Variants in CROCC2 observed in about 807,000 individuals in gnomAD.
CROCC2 encodes ciliary rootlet coiled-coil, rootletin family member 2, also known as ciliary rootlet coiled-coil protein 2.
CROCC2 carries 163 observed loss-of-function variants against 177.6 expected under a neutral mutation model. The observed-to-expected ratio is 0.92, with a 90% confidence interval of 0.81 to 1.05. The LOEUF (loss-of-function observed/expected upper bound fraction) is 1.05. Among genes scored for constraint, CROCC2 ranks in the 50% least tolerant of loss-of-function variants. The pLI is 0.00. For synonymous variants in CROCC2, 904 were observed against 787.3 expected, an observed-to-expected ratio of 1.15 and a Z score of -2.48; for missense variants, 1,929 against 1,797.8, an observed-to-expected ratio of 1.07 and a Z score of -1.32.
chr2:240,982,873 C>T lies in CROCC2; in HGVS notation c.4402-7C>T. 1 of 1,545,306 alleles carries T rather than the reference C, an allele frequency of 6.5e-7. No individual in the cohort carries two copies. On this transcript the variant is annotated splice_region_variant and splice_polypyrimidine_tract_variant and intron_variant, in intron 27 of 31. Coordinates refer to ENST00000690015, the MANE Select transcript of CROCC2 (RefSeq NM_001351305.2). This position sits in a 1 kb window ranked among gnomAD's most constrained non-coding sequence, Gnocchi z 4.7. ...TCCAGGTGGACCCTGTGTCTCCTTCCCCCCAGGAGCAACTGGAAACGCTGC... is the reference window on the plus strand; with the variant it reads ...TCCAGGTGGACCCTGTGTCTCCTTCTCCCCAGGAGCAACTGGAAACGCTGC...
At chr2:240,936,495 T>C (rs2059471559) in intron 14 of CROCC2, among the ~76,000 whole-genome samples, 1 of 152,226 alleles carries the variant, frequency 6.6e-6, no homozygotes. Context: ...TGGAGATCCA[T>C]ACATGTTGTT....
chr2:240,949,488 G>A lies in CROCC2; in HGVS notation c.2483-45G>A. ...CCTAGGAAGTCCCAAAGGGTTCAGG[G>A]GTCCACATGCCAGGCCCTGGTGCAT... On this transcript the variant is annotated intron_variant, in intron 16 of 31. Coordinates refer to ENST00000690015, the MANE Select transcript of CROCC2 (RefSeq NM_001351305.2). The surrounding 1 kb of genome is among the most constrained non-coding windows in gnomAD (Gnocchi z 4.5). The A allele has an allele frequency of 6.5e-7, 1 of 1,542,312 alleles. No homozygotes were observed. Among genetic ancestry groups the A allele is most frequent in the Non-Finnish European group, 8.8e-7 (1 of 1,140,596 alleles).
chr2:240,993,171 A>G lies in CROCC2; in HGVS notation c.*90A>G, dbSNP rs532711276. 7.2e-6 allele frequency: 5 copies of G among 696,112 alleles called. No individual in the cohort carries two copies. In the East Asian group the frequency reaches 1.1e-4, roughly 15 times the overall value. 43.1% of individuals were successfully genotyped at this position (696,112 alleles called of 1,614,324 possible). A position where few individuals can be genotyped will look rare whatever the true frequency, so the allele number is the denominator to read the frequency against. On this transcript the variant is annotated 3_prime_UTR_variant, in exon 32 of 32. Coordinates refer to ENST00000690015, the MANE Select transcript of CROCC2 (RefSeq NM_001351305.2). ...GGGGCCCAGCTGATTTCTCAGCGTC[A>G]CAGTGAAAGGCACCCGTGATGAGAC...
chr2:240,919,861 G>A, intron 2 of CROCC2, 122 bp from the exon 3 acceptor site: 1 of 580,298 alleles, frequency 1.7e-6, no homozygotes, highest in South Asian at 2.0e-5. Flanking sequence ...CCAGGAGATG[G>A]GGGCAGGTCC....
intron 14 of CROCC2, among the ~76,000 whole-genome samples, chr2:240,941,883 A>G (rs567433872): frequency 1.3e-5 from 2 of 152,360 alleles, no homozygotes; most frequent in South Asian, 4.1e-4. Context: ...TTCCACCCTC[A>G]TCAGCGAGAT....
intron 27 of CROCC2, chr2:240,981,881 C>G (rs185209705): frequency 1.3e-5 from 2 of 152,134 alleles, no homozygotes; most frequent in African/African-American, 4.8e-5. Flanking sequence ...AGTCAACAAG[C>G]TTCCAATGAC....
At chr2:240,962,823 C>G (rs530542251) in intron 20 of CROCC2, among the ~76,000 whole-genome samples, 26 of 152,306 alleles carry the variant, frequency 1.7e-4, no homozygotes, top group Admixed American at 1.6e-3. Flanking sequence ...GTCCCCACCC[C>G]CAGAGCGTAG....
intron 20 of CROCC2, among the ~76,000 whole-genome samples, chr2:240,961,566 CACACTCAT>C (rs957544334): frequency 2.9e-5 from 4 of 138,008 alleles, no homozygotes; most frequent in African/African-American, 1.1e-4. Context: ...ATCACACTCA[CACACTCAT>C]CACACATACA....
rs1474282971 is a variant in CROCC2 at position 240,960,659 on chromosome 2, C to T, written c.3087+1215C>T. Among the ~76,000 whole-genome samples, 1 of 152,106 alleles carries T rather than the reference C, an allele frequency of 6.6e-6. No individual in the cohort carries two copies. The highest frequency in any genetic ancestry group is 1.9e-4 in the East Asian group (1 of 5,176). On this transcript the variant is annotated intron_variant, in intron 20 of 31. Transcript: ENST00000690015. This position sits in a 1 kb window ranked among gnomAD's most constrained non-coding sequence, Gnocchi z 5.0. ...CAAGGCTGGAGGCTGCGCAGCTGAC[C>T]TGGTGCTGGAGCGAGCGGCTGGCGC...
At chr2:240,914,629 C>T (rs751334050) in intron 1 of CROCC2, among the ~76,000 whole-genome samples, 43 of 152,196 alleles carry the variant, frequency 2.8e-4, no homozygotes, top group Non-Finnish European at 5.6e-4. Flanking sequence ...TCAGGAGGTT[C>T]GCCCTCCACC....
rs2059442977 is a variant in CROCC2, at chr2:240,932,836, C to T, written c.1179C>T (p.Cys393=). The T allele has an allele frequency of 6.5e-7, 1 of 1,544,444 alleles. No homozygotes were observed. The highest frequency in any genetic ancestry group is 8.7e-7 in the Non-Finnish European group (1 of 1,143,920). Residue 393 remains cysteine, a synonymous_variant, in exon 9 of 32, where the codon TGC becomes TGT. Coordinates refer to ENST00000690015, the MANE Select transcript of CROCC2 (RefSeq NM_001351305.2). ...PHQGASPPHI[C]SPATLDPALQ... is the part of the protein sequence containing the mutation. ...AAGGGGCGTCCCCACCACACATCTG[C>T]TCCCCAGCCACCCTGGACCCCGCAC...
intron 5 of CROCC2, among the ~76,000 whole-genome samples, chr2:240,929,892 C>T (rs2059416502): frequency 6.6e-6 from 1 of 152,164 alleles, no homozygotes; most frequent in Non-Finnish European, 1.5e-5. Flanking sequence ...CAGGGGCCCA[C>T]GCACCCCACC....
At chr2:240,934,289 C>G in intron 11 of CROCC2, 42 bp from the exon 12 acceptor site, 1 of 1,540,662 alleles carries the variant, frequency 6.5e-7, no homozygotes, top group East Asian at 2.4e-5. Flanking sequence ...GCAGCCACTG[C>G]TCACCCTGAG....
chr2:240,968,632 G>A (rs2059701310), intron 27 of CROCC2, among the ~76,000 whole-genome samples: 2 of 152,232 alleles, frequency 1.3e-5, no homozygotes, highest in African/African-American at 4.8e-5. Flanking sequence ...GGCAGGCATG[G>A]GGCGGCCCTG....
rs1478737109 is a variant in CROCC2, at chr2:240,923,040, C to A, written c.488+395C>A. Among the ~76,000 whole-genome samples, 9 of 152,174 alleles carry A rather than the reference C, an allele frequency of 5.9e-5. No individual in the cohort carries two copies. In the South Asian group the frequency reaches 1.2e-3, roughly 21 times the overall value. On this transcript the variant is annotated intron_variant, in intron 4 of 31. Coordinates refer to ENST00000690015, the MANE Select transcript of CROCC2 (RefSeq NM_001351305.2). ...CATCCCTATTATAGTAGCTGCATCA[C>A]GATTGTACCCATCGCTATCAGACCC...
intron 28 of CROCC2, chr2:240,986,072 T>C (rs899215820): frequency 4.9e-6 from 2 of 409,174 alleles, no homozygotes; most frequent in African/African-American, 4.1e-5. Flanking sequence ...GGCTGGACAC[T>C]GCCCTTTCTA....
intron 22 of CROCC2, among the ~76,000 whole-genome samples, chr2:240,965,131 G>C (rs995421315): frequency 6.6e-5 from 10 of 152,006 alleles, no homozygotes; most frequent in Admixed American, 3.9e-4. Context: ...TGCCCACCCC[G>C]CCCCACCTGA....
intron 18 of CROCC2, among the ~76,000 whole-genome samples, chr2:240,952,709 C>T (rs2059564602): frequency 6.6e-6 from 1 of 152,198 alleles, no homozygotes; most frequent in African/African-American, 2.4e-5. Flanking sequence ...GAGAGGTGTG[C>T]AGTGGAGCTA....
chr2:240,950,669 A>G, intron 18 of CROCC2, 159 bp downstream of exon 18: 1 of 675,476 alleles, frequency 1.5e-6, no homozygotes, highest in South Asian at 2.1e-5. Flanking sequence ...CCACTCACCC[A>G]CCCACCTATC....
Sources: gnomAD v4.1 joint callset for allele counts (sites outside exome capture counted in the v4.1 genomes callset) on GRCh38, gnomAD v4.1.1 for gene constraint, Gnocchi (gnomAD v3.1) non-coding constraint, MANE v1.5 for transcripts, NCBI Gene and HGNC (gene_info 2026-07-23, HGNC 2026-07-21) for gene names.